Variants in CLYBL observed in about 807,000 individuals in gnomAD.
CLYBL encodes citramalyl-CoA lyase, mitochondrial.
CLYBL carries 31 observed loss-of-function variants against 38.9 expected under a neutral mutation model. The observed-to-expected ratio is 0.80, with a 90% CI of 0.60 to 1.08. The LOEUF (loss-of-function observed/expected upper bound fraction) is 1.08. Ranked by LOEUF, CLYBL falls within the 50% of genes least tolerant of loss-of-function variation. CLYBL has a pLI of 0.00. For missense variants in CLYBL, 434 were observed against 411.6 expected, an observed-to-expected ratio of 1.05 and a Z score of -0.47; for synonymous variants, 171 against 158.6, an observed-to-expected ratio of 1.08 and a Z score of -0.59.
At chr13:99,848,847 T>G (rs538086722) in intron 2 of CLYBL, among the ~76,000 whole-genome samples, 2 of 152,206 alleles carry the variant, frequency 1.3e-5, no homozygotes, top group South Asian at 4.1e-4. Flanking sequence ...TTAATAGTAT[T>G]GGGAAAGATG....
intron 7 of CLYBL, among the ~76,000 whole-genome samples, chr13:99,888,053 A>C (rs1201239632): frequency 6.6e-6 from 1 of 152,050 alleles, no homozygotes; most frequent in Non-Finnish European, 1.5e-5. Flanking sequence ...ACAGGGTTTC[A>C]CCATGTTGGC....
intron 2 of CLYBL, among the ~76,000 whole-genome samples, chr13:99,833,333 G>T (rs1027142116): frequency 3.3e-5 from 5 of 151,722 alleles, no homozygotes; most frequent in African/African-American, 4.8e-5. Flanking sequence ...GAGCCACTGT[G>T]CCCGGCCAGT....
At chr13:99,707,589 A>T (rs988310856) in intron 1 of CLYBL, among the ~76,000 whole-genome samples, 6 of 152,112 alleles carry the variant, frequency 3.9e-5, no homozygotes, top group Non-Finnish European at 4.4e-5. Context: ...ATGATTTCGA[A>T]TGAACATTTA....
chr13:99,842,940 T>A (rs79298689), intron 2 of CLYBL, among the ~76,000 whole-genome samples: 3 of 130,890 alleles, frequency 2.3e-5, no homozygotes, highest in African/African-American at 7.7e-5. Flanking sequence ...AAAAAAGGCA[T>A]TTTTTTTTAA....
chr13:99,883,441 C>T (rs998765515), intron 7 of CLYBL, among the ~76,000 whole-genome samples: 2 of 151,420 alleles, frequency 1.3e-5, no homozygotes, highest in Non-Finnish European at 2.9e-5. Context: ...ATCGTTTGAA[C>T]CAGGGAGGCA....
At chr13:99,802,957 T>G (rs2050164106) in intron 2 of CLYBL, among the ~76,000 whole-genome samples, 1 of 152,176 alleles carries the variant, frequency 6.6e-6, no homozygotes, top group Non-Finnish European at 1.5e-5. Flanking sequence ...GGGTGTATAT[T>G]GCCAGCACCC....
chr13:99,702,363 G>C (rs960617353), intron 1 of CLYBL, among the ~76,000 whole-genome samples: 1 of 151,922 alleles, frequency 6.6e-6, no homozygotes, highest in Non-Finnish European at 1.5e-5. Context: ...GGGCGCGGTG[G>C]CTCATGCCTG....
At chr13:99,672,667 T>C (rs73564259) in intron 1 of CLYBL, among the ~76,000 whole-genome samples, 2,037 of 151,526 alleles carry the variant, frequency 0.013, 41 homozygotes, top group African/African-American at 0.046. Context: ...TCCCAGCTTC[T>C]TGGGAGGTGT....
At chr13:99,832,994 A>G (rs1409415771) in intron 2 of CLYBL, among the ~76,000 whole-genome samples, 2 of 57,848 alleles carry the variant, frequency 3.5e-5, no homozygotes, top group Non-Finnish European at 7.5e-5. Context: ...AGTAGTATAT[A>G]CATACATACA....
chr13:99,826,430 A>G (rs73572568), intron 2 of CLYBL, among the ~76,000 whole-genome samples: 1,668 of 152,314 alleles, frequency 0.011, 27 homozygotes, highest in African/African-American at 0.038. Context: ...AAGTCTATCT[A>G]TGTATCTGTG....
chr13:99,647,324 G>A (rs958277918), intron 1 of CLYBL, among the ~76,000 whole-genome samples: 17 of 152,138 alleles, frequency 1.1e-4, no homozygotes, highest in South Asian at 2.1e-4. Context: ...AAATCAAGAC[G>A]TGTGGCTCTG....
At chr13:99,773,093 G>C in intron 2 of CLYBL, 83 bp downstream of exon 2, 1 of 1,180,182 alleles carries the variant, frequency 8.5e-7, no homozygotes, top group South Asian at 1.4e-5. Flanking sequence ...CCGCTATTTG[G>C]AAAGATTCTA....
chr13:99,645,456 C>T (rs866555974), intron 1 of CLYBL, among the ~76,000 whole-genome samples: 13 of 148,188 alleles, frequency 8.8e-5, no homozygotes, highest in Non-Finnish European at 1.5e-4. Flanking sequence ...TGAGATTGCA[C>T]CACTGCACTC....
At chr13:99,663,319 G>A (rs2047435802) in intron 1 of CLYBL, among the ~76,000 whole-genome samples, 1 of 152,214 alleles carries the variant, frequency 6.6e-6, no homozygotes, top group Non-Finnish European at 1.5e-5. Flanking sequence ...TCCTTGAGTT[G>A]TGCTGCTTGA....
chr13:99,884,955 G>T, intron 7 of CLYBL: 1 of 472,776 alleles, frequency 2.1e-6, no homozygotes. Flanking sequence ...ACCAACTACC[G>T]AACTTGTGTC....
chr13:99,776,185 A>AAAT (rs776856192), intron 2 of CLYBL, among the ~76,000 whole-genome samples: 3,080 of 143,144 alleles, frequency 0.022, 75 homozygotes, highest in East Asian at 0.08. Flanking sequence ...ACCAAAAAAC[A>AAAT]AATAATAATA....
intron 2 of CLYBL, among the ~76,000 whole-genome samples, chr13:99,846,159 A>C (rs930250969): frequency 3.9e-5 from 6 of 152,124 alleles, no homozygotes; most frequent in African/African-American, 1.2e-4. Context: ...TACAAAATAC[A>C]TAAGTAAAAT....
chr13:99,816,881 A>G (rs1336148307), intron 2 of CLYBL, among the ~76,000 whole-genome samples: 2 of 152,224 alleles, frequency 1.3e-5, no homozygotes, highest in Non-Finnish European at 2.9e-5. Context: ...ACTGTTTTCT[A>G]GTGCCTTCAG....
At chr13:99,645,178 TTTG>T (rs2047158946) in intron 1 of CLYBL, among the ~76,000 whole-genome samples, 1 of 152,210 alleles carries the variant, frequency 6.6e-6, no homozygotes, top group South Asian at 2.1e-4. Context: ...CTCGCTAGCA[TTTG>T]TTATTGCCTA....
Sources: gnomAD v4.1 joint callset for allele counts (sites outside exome capture counted in the v4.1 genomes callset) on GRCh38, gnomAD v4.1.1 for gene constraint, MANE v1.5 for transcripts, NCBI Gene and HGNC (gene_info 2026-07-23, HGNC 2026-07-21) for gene names.